TYR: variants seen among roughly 807,000 people sequenced by gnomAD.
TYR encodes the protein tyrosinase.
In TYR, 58 loss-of-function variants were observed where a neutral mutation model predicts 51.5. The ratio of observed to expected loss-of-function variants is 1.13; its 90% CI spans 0.91 to 1.40. The LOEUF (loss-of-function observed/expected upper bound fraction) is 1.40, where lower values mean the gene tolerates loss of function less well. TYR is among the 40% of genes most tolerant of loss of function. The probability of loss-of-function intolerance (pLI) is 0.00; values close to 1 mark genes in which losing one functional copy is unlikely to be tolerated. For missense variants in TYR, 732 were observed against 647.4 expected (o/e 1.13, Z -1.42); for synonymous variants, 263 against 235.2 (o/e 1.12, Z -1.08).
At chr11:89,196,915 A>G (rs1943526838) in intron 2 of TYR, among the ~76,000 whole-genome samples, 1 of 152,218 alleles carries the variant, frequency 6.6e-6, no homozygotes, top group Admixed American at 6.5e-5. Flanking sequence ...AAGTACAAAA[A>G]AATACAAAGA....
chr11:89,178,903 A>G (rs1943265100), intron 1 of TYR, 131 bp downstream of exon 1: 1 of 859,960 alleles, frequency 1.2e-6, no homozygotes, highest in Admixed American at 2.0e-5. Context: ...TGCCCTGTTA[A>G]GAACTCTCAA....
chr11:89,262,152 G>T (rs1036602766), intron 3 of TYR, among the ~76,000 whole-genome samples: 1 of 151,980 alleles, frequency 6.6e-6, no homozygotes, highest in Non-Finnish European at 1.5e-5. Context: ...TCTGCCTCCT[G>T]GGTTCAAGTG....
chr11:89,283,859 A>G (rs1944749126), intron 3 of TYR: 1 of 151,810 alleles, frequency 6.6e-6, no homozygotes. Context: ...TGAAATAGAA[A>G]CTAACTCTGC....
intron 2 of TYR, among the ~76,000 whole-genome samples, chr11:89,224,929 A>ATTTT (rs10671315): frequency 6.7e-6 from 1 of 149,818 alleles, no homozygotes; most frequent in Non-Finnish European, 1.5e-5. Context: ...TGTAAAAACT[A>ATTTT]TTTTTTTTTT....
chr11:89,179,523 T>C (rs11820635), intron 1 of TYR, among the ~76,000 whole-genome samples: 14,715 of 151,834 alleles, frequency 0.097, 985 homozygotes, highest in African/African-American at 0.19. Context: ...ATCAGGTAAC[T>C]TGTATAAGAT....
chr11:89,182,185 A>G (rs1943309042), intron 1 of TYR, among the ~76,000 whole-genome samples: 1 of 152,160 alleles, frequency 6.6e-6, no homozygotes. Flanking sequence ...GGTGGTGATC[A>G]TTTCTAAATA....
chr11:89,223,425 A>G (rs978807052), intron 2 of TYR, among the ~76,000 whole-genome samples: 7 of 152,186 alleles, frequency 4.6e-5, no homozygotes, highest in Admixed American at 2.6e-4. Context: ...CAACCAAGAA[A>G]ATAAACTCTA....
At chr11:89,279,343 T>C (rs913661557) in intron 3 of TYR, among the ~76,000 whole-genome samples, 15 of 151,830 alleles carry the variant, frequency 9.9e-5, no homozygotes, top group African/African-American at 2.9e-4. Flanking sequence ...TATTTGATAG[T>C]AGGTCATAAA....
At chr11:89,265,246 T>A (rs912756410) in intron 3 of TYR, among the ~76,000 whole-genome samples, 1 of 152,024 alleles carries the variant, frequency 6.6e-6, no homozygotes, top group Non-Finnish European at 1.5e-5. Context: ...CAAGGATATA[T>A]AAGTGGGTAG....
rs966882228 is a variant in TYR at position 89,178,342 on chromosome 11, A to T, written c.389A>T (p.Glu130Val). Reference sequence around the variant, plus strand: ...AACATCTTCGATTTGAGTGCCCCAGAGAAGGACAAATTTTTTGCCTACCTC... The same window carrying T: ...AACATCTTCGATTTGAGTGCCCCAGTGAAGGACAAATTTTTTGCCTACCTC... ...RRNIFDLSAP[E>V]KDKFFAYLTL... The change falls in exon 1 of 5, where the codon GAG (glutamate) becomes GTG (valine). Residue 130 changes from glutamate (E) to valine (V), a missense_variant. Transcript: ENST00000263321. 29 of 1,614,106 alleles carry T rather than the reference A, an allele frequency of 1.8e-5. No individual in the cohort carries two copies. The highest frequency in any genetic ancestry group is 1.6e-4 in the Middle Eastern group (1 of 6,084).
intron 2 of TYR, among the ~76,000 whole-genome samples, chr11:89,197,812 G>T (rs1943542803): frequency 6.6e-6 from 1 of 152,036 alleles, no homozygotes; most frequent in Non-Finnish European, 1.5e-5. Context: ...CTAACAATTG[G>T]TCCTTGTTTT....
At chr11:89,211,001 C>A (rs1943746645) in intron 2 of TYR, among the ~76,000 whole-genome samples, 1 of 152,114 alleles carries the variant, frequency 6.6e-6, no homozygotes, top group Non-Finnish European at 1.5e-5. Flanking sequence ...CCAGACACTG[C>A]AAAAACACAC....
At chr11:89,192,084 C>T in intron 2 of TYR, 1 of 408,826 alleles carries the variant, frequency 2.4e-6, no homozygotes, top group Middle Eastern at 3.5e-4. Context: ...GTAAAGCCTC[C>T]CTCTCATTAT....
At chr11:89,250,606 C>A (rs1944319385) in intron 3 of TYR, among the ~76,000 whole-genome samples, 1 of 151,836 alleles carries the variant, frequency 6.6e-6, no homozygotes, top group African/African-American at 2.4e-5. Context: ...AAGGTGTCTG[C>A]AGGGTTAATT....
intron 2 of TYR, among the ~76,000 whole-genome samples, chr11:89,199,977 T>C (rs144106894): frequency 3.9e-5 from 6 of 152,334 alleles, no homozygotes; most frequent in South Asian, 2.1e-4. Context: ...CATATAGACA[T>C]TTCACTTCCT....
In TYR at chr11:89,178,310, G is replaced by A. The variant is rs1341517429; in HGVS notation, c.357G>A (p.Val119=). 1 of 1,614,166 alleles carries A rather than the reference G, an allele frequency of 6.2e-7. No individual in the cohort carries two copies. ...GPNCTERRLL[V]RRNIFDLSAP... is the part of the protein sequence containing the mutation. ...ACTGCACAGAGAGACGACTCTTGGTGAGAAGAAACATCTTCGATTTGAGTG... is the reference window on the plus strand; with the variant it reads ...ACTGCACAGAGAGACGACTCTTGGTAAGAAGAAACATCTTCGATTTGAGTG... Residue 119 remains valine, a synonymous_variant, in exon 1 of 5, where the codon GTG becomes GTA. Transcript: ENST00000263321.
At chr11:89,250,810 G>A (rs548485359) in intron 3 of TYR, among the ~76,000 whole-genome samples, 4 of 151,936 alleles carry the variant, frequency 2.6e-5, no homozygotes, top group African/African-American at 9.6e-5. Flanking sequence ...GAGGTACTTG[G>A]GATTAGGACT....
intron 3 of TYR, among the ~76,000 whole-genome samples, chr11:89,268,515 A>G (rs1418708525): frequency 6.6e-6 from 1 of 151,944 alleles, no homozygotes; most frequent in Non-Finnish European, 1.5e-5. Flanking sequence ...TAAGAAAAGT[A>G]ATAGCTATTT....
chr11:89,250,026 G>T lies in TYR; in HGVS notation c.1184+22056G>T, dbSNP rs144900866. ...TCTATTTTCTGATTCAAGTGTGAAGGGAGGTCATCAGTTCTTAAGGGGCTG... is the reference window on the plus strand; with the variant it reads ...TCTATTTTCTGATTCAAGTGTGAAGTGAGGTCATCAGTTCTTAAGGGGCTG... On this transcript the variant is annotated intron_variant, in intron 3 of 4. Coordinates refer to ENST00000263321, the MANE Select transcript of TYR (RefSeq NM_000372.5). 9.3e-3 allele frequency among the ~76,000 whole-genome samples: 1,422 copies of T among 152,118 alleles called. 23 individuals are homozygous for T. The highest frequency in any genetic ancestry group is 0.033 in the African/African-American group (1,366 of 41,522).
Sources: gnomAD v4.1 joint callset for allele counts (sites outside exome capture counted in the v4.1 genomes callset) on GRCh38, gnomAD v4.1.1 for gene constraint, MANE v1.5 for transcripts, NCBI Gene and HGNC (gene_info 2026-07-23, HGNC 2026-07-21) for gene names.